Variants in FAM135A observed in about 807,000 individuals in gnomAD.
The protein encoded by FAM135A is protein FAM135A.
A neutral mutation model predicts 146.8 loss-of-function variants in FAM135A; 79 were observed. The ratio of observed to expected loss-of-function variants is 0.54; its 90% CI spans 0.45 to 0.65. The LOEUF (loss-of-function observed/expected upper bound fraction) is 0.65, where lower values mean the gene tolerates loss of function less well. Ranked by LOEUF, FAM135A falls within the 30% of genes least tolerant of loss-of-function variation. The pLI, the probability that FAM135A is intolerant of heterozygous loss-of-function variation, is 0.00. For synonymous variants in FAM135A, 562 were observed against 603.6 expected (o/e 0.93, Z 1.01); for missense variants, 1,623 against 1,758.2 (o/e 0.92, Z 1.38).
intron 20 of FAM135A, among the ~76,000 whole-genome samples, chr6:70,546,901 G>A (rs77653596): frequency 2.0e-5 from 3 of 152,082 alleles, no homozygotes; most frequent in East Asian, 1.9e-4. Context: ...GAGCAATGTG[G>A]AAAGTAAAAT....
rs1432541830 is a variant in FAM135A at position 70,523,958 on chromosome 6, A to C, written c.1104-9A>C. The C allele has an allele frequency of 3.1e-6, 5 of 1,593,388 alleles. No homozygotes were observed. The highest frequency in any genetic ancestry group is 4.3e-6 in the Non-Finnish European group (5 of 1,174,960). On this transcript the variant is annotated splice_polypyrimidine_tract_variant and intron_variant, in intron 13 of 21. Transcript: ENST00000418814. ...TAAATTACAATCTGACTGAAGAAAT[A>C]TTTTTCAGTGCTCAGAGTCATCTAC...
intron 4 of FAM135A, among the ~76,000 whole-genome samples, chr6:70,444,581 AAG>A (rs1184162591): frequency 6.6e-6 from 1 of 152,104 alleles, no homozygotes; most frequent in Non-Finnish European, 1.5e-5. Context: ...AAAAGAATAA[AAG>A]AAAAAAATTT....
intron 16 of FAM135A, among the ~76,000 whole-genome samples, chr6:70,532,215 A>T (rs545965375): frequency 4.3e-4 from 66 of 152,014 alleles, no homozygotes; most frequent in Non-Finnish European, 6.9e-4. Flanking sequence ...CTCAAACTAG[A>T]TTCTGTTCAA....
At chr6:70,523,795 C>T (rs748861240) in intron 13 of FAM135A, among the ~76,000 whole-genome samples, 172 bp from the exon 14 acceptor site, 3 of 152,100 alleles carry the variant, frequency 2.0e-5, no homozygotes, top group Non-Finnish European at 4.4e-5. Context: ...AACAAACTAT[C>T]ATTTTCATTT....
chr6:70,517,259 G>A (rs1390874104), intron 12 of FAM135A, among the ~76,000 whole-genome samples: 2 of 152,092 alleles, frequency 1.3e-5, no homozygotes, highest in Non-Finnish European at 1.5e-5. Context: ...GGTGGGGGAT[G>A]GTGGCTTATG....
At chr6:70,506,456 C>T (rs1012914107) in intron 12 of FAM135A, among the ~76,000 whole-genome samples, 2 of 152,126 alleles carry the variant, frequency 1.3e-5, no homozygotes, top group Non-Finnish European at 1.5e-5. Context: ...AACATGAAAG[C>T]AGCCATGGAT....
intron 4 of FAM135A, among the ~76,000 whole-genome samples, chr6:70,451,321 C>T (rs1008100363): frequency 1.7e-4 from 26 of 152,226 alleles, no homozygotes; most frequent in African/African-American, 5.5e-4. Context: ...GCTTTTATAT[C>T]GTATACCTGT....
chr6:70,501,235 G>T (rs907827480), intron 11 of FAM135A, among the ~76,000 whole-genome samples: 40 of 151,620 alleles, frequency 2.6e-4, no homozygotes, highest in African/African-American at 8.7e-4. Context: ...GGCCACAGCT[G>T]CTTTGGTGCG....
intron 11 of FAM135A, 121 bp downstream of exon 11, chr6:70,491,204 G>A: frequency 2.6e-6 from 2 of 780,024 alleles, no homozygotes; most frequent in South Asian, 1.8e-5. Context: ...AAGATAAAAT[G>A]GTTGATCATG....
At chr6:70,419,904 T>C (rs752450345) in intron 2 of FAM135A, among the ~76,000 whole-genome samples, 9 of 152,354 alleles carry the variant, frequency 5.9e-5, no homozygotes, top group Admixed American at 2.0e-4. Context: ...AAGGAAAAAG[T>C]GAATATATTG....
At chr6:70,508,328 A>G (rs1368928488) in intron 12 of FAM135A, among the ~76,000 whole-genome samples, 2 of 152,202 alleles carry the variant, frequency 1.3e-5, no homozygotes, top group Non-Finnish European at 2.9e-5. Flanking sequence ...CAAGAGACAC[A>G]TGAAGAATTG....
intron 5 of FAM135A, among the ~76,000 whole-genome samples, chr6:70,465,242 T>C (rs1175802254): frequency 2.6e-5 from 4 of 152,154 alleles, no homozygotes; most frequent in Admixed American, 2.0e-4. Context: ...TTCTTTAATA[T>C]GTACATACCA....
chr6:70,554,029 C>T (rs993981532), intron 20 of FAM135A, among the ~76,000 whole-genome samples: 3 of 152,056 alleles, frequency 2.0e-5, no homozygotes, highest in African/African-American at 7.2e-5. Flanking sequence ...TGGTGTTAGG[C>T]ATAGTGCGTA....
intron 2 of FAM135A, among the ~76,000 whole-genome samples, chr6:70,422,517 G>T (rs1043659627): frequency 1.3e-5 from 2 of 152,118 alleles, no homozygotes; most frequent in African/African-American, 4.8e-5. Flanking sequence ...CTATTTAGGG[G>T]ATAATCAATA....
chr6:70,489,174 T>C (rs777835149), intron 10 of FAM135A, among the ~76,000 whole-genome samples: 42 of 152,312 alleles, frequency 2.8e-4, no homozygotes, highest in South Asian at 6.2e-4. Flanking sequence ...TTTACTGATT[T>C]TTTTTCTGTC....
intron 5 of FAM135A, among the ~76,000 whole-genome samples, chr6:70,464,654 C>CT (rs1780028401): frequency 3.0e-5 from 4 of 131,840 alleles, no homozygotes; most frequent in South Asian, 2.2e-4. Context: ...TTCTTTCTTT[C>CT]TTTCTTTTTT....
At chr6:70,496,440 C>G (rs1412007412) in intron 11 of FAM135A, among the ~76,000 whole-genome samples, 1 of 150,588 alleles carries the variant, frequency 6.6e-6, no homozygotes, top group Non-Finnish European at 1.5e-5. Context: ...AAATTTTCTC[C>G]CATTCTGTAG....
intron 10 of FAM135A, among the ~76,000 whole-genome samples, 199 bp downstream of exon 10, chr6:70,482,353 A>G (rs1325888785): frequency 2.0e-5 from 3 of 151,928 alleles, no homozygotes; most frequent in East Asian, 3.9e-4. Context: ...ATACTAAAAA[A>G]TAACTTCTTG....
chr6:70,471,493 T>G (rs1447777840), intron 5 of FAM135A, among the ~76,000 whole-genome samples: 1 of 152,108 alleles, frequency 6.6e-6, no homozygotes, highest in African/African-American at 2.4e-5. Flanking sequence ...TTCTCACTTA[T>G]GAGTGGGAGC....
Sources: allele counts gnomAD v4.1 joint callset (sites outside exome capture counted in the v4.1 genomes callset), GRCh38; gene constraint gnomAD v4.1.1; transcripts MANE v1.5; gene names NCBI Gene and HGNC (gene_info 2026-07-23, HGNC 2026-07-21).